Variants in SIPA1L2 observed in about 807,000 individuals in gnomAD.
SIPA1L2 encodes signal-induced proliferation-associated 1-like protein 2.
SIPA1L2 carries 56 observed loss-of-function variants against 163.9 expected under a neutral mutation model. The ratio of observed to expected loss-of-function variants is 0.34; its 90% CI spans 0.28 to 0.43. The LOEUF is 0.43. Among genes scored for constraint, SIPA1L2 ranks in the 20% least tolerant of loss-of-function variants. The pLI, the probability that SIPA1L2 is intolerant of heterozygous loss-of-function variation, is 1.00. For synonymous variants in SIPA1L2, 877 were observed against 865.7 expected (o/e 1.01, Z -0.23); for missense variants, 1,974 against 2,193.5 (o/e 0.90, Z 2.00).
At chr1:232,493,739 A>T in intron 3 of SIPA1L2, 79 bp from the exon 4 acceptor site, 2 of 1,540,912 alleles carry the variant, frequency 1.3e-6, no homozygotes, top group South Asian at 2.3e-5. Context: ...CAGTTTGTGT[A>T]TCAAATCTCT....
At chr1:232,405,339 C>T (rs535921166) in intron 19 of SIPA1L2, among the ~76,000 whole-genome samples, 1 of 152,364 alleles carries the variant, frequency 6.6e-6, no homozygotes, top group African/African-American at 2.4e-5. Context: ...CTCCACACAT[C>T]GAATCTTCCA....
At chr1:232,505,882 G>A (rs563889605) in intron 3 of SIPA1L2, among the ~76,000 whole-genome samples, 2 of 152,270 alleles carry the variant, frequency 1.3e-5, no homozygotes, top group Admixed American at 6.5e-5. Context: ...CTGTTCACCC[G>A]TATGAATTTA....
intron 15 of SIPA1L2, among the ~76,000 whole-genome samples, chr1:232,437,583 T>G (rs1253631860): frequency 1.3e-5 from 2 of 152,208 alleles, no homozygotes; most frequent in Non-Finnish European, 2.9e-5. Flanking sequence ...AATGTCCTGC[T>G]TCTCTTCTGG....
chr1:232,562,248 T>C (rs1222821300), intron 2 of SIPA1L2, among the ~76,000 whole-genome samples: 1 of 152,244 alleles, frequency 6.6e-6, no homozygotes, highest in East Asian at 1.9e-4. Context: ...CACATGCGTC[T>C]GTAACAGCAG....
intron 15 of SIPA1L2, among the ~76,000 whole-genome samples, chr1:232,435,811 T>C (rs1036427562): frequency 1.3e-5 from 2 of 152,228 alleles, no homozygotes; most frequent in African/African-American, 4.8e-5. Context: ...TTGTTCTGCT[T>C]AATAGATGAT....
chr1:232,619,906 G>T (rs1662708234), intron 1 of SIPA1L2, among the ~76,000 whole-genome samples: 1 of 151,114 alleles, frequency 6.6e-6, no homozygotes, highest in Non-Finnish European at 1.5e-5. Flanking sequence ...TTTTTTTTAA[G>T]ATGGAGTCTT....
At chr1:232,457,552 C>T (rs1663993588) in intron 10 of SIPA1L2, among the ~76,000 whole-genome samples, 1 of 152,058 alleles carries the variant, frequency 6.6e-6, no homozygotes, top group South Asian at 2.1e-4. Context: ...ACGAAGAGTC[C>T]ATCTGAGAAA....
intron 2 of SIPA1L2, among the ~76,000 whole-genome samples, chr1:232,548,683 G>A (rs544974466): frequency 1.0e-3 from 155 of 152,284 alleles, no homozygotes; most frequent in African/African-American, 3.2e-3. Context: ...AGAGGGACAC[G>A]GCAAGGCCTC....
intron 13 of SIPA1L2, 149 bp downstream of exon 13, chr1:232,441,619 C>T (rs1384923573): frequency 1.3e-6 from 1 of 755,958 alleles, no homozygotes. Context: ...ACCACACCCC[C>T]TCCTGCATCT....
chr1:232,549,499 T>C (rs1334349363), intron 2 of SIPA1L2, among the ~76,000 whole-genome samples: 4 of 152,200 alleles, frequency 2.6e-5, no homozygotes, highest in African/African-American at 9.7e-5. Context: ...CCAGGTAGTA[T>C]AAGAAAACTC....
At chr1:232,444,558 C>T (rs1233389170) in intron 11 of SIPA1L2, among the ~76,000 whole-genome samples, 3 of 152,142 alleles carry the variant, frequency 2.0e-5, no homozygotes, top group South Asian at 2.1e-4. Context: ...GAGAGGATGA[C>T]CACAGGTTTT....
intron 6 of SIPA1L2, among the ~76,000 whole-genome samples, chr1:232,480,070 A>G (rs1296984248): frequency 2.0e-5 from 3 of 152,108 alleles, no homozygotes; most frequent in Non-Finnish European, 4.4e-5. Context: ...AGTGGAGAAG[A>G]GAAGCTGGTC....
intron 1 of SIPA1L2, among the ~76,000 whole-genome samples, chr1:232,593,814 A>AAT (rs1380045322): frequency 1.3e-5 from 2 of 152,238 alleles, no homozygotes; most frequent in African/African-American, 4.8e-5. Flanking sequence ...AGGTCTTTAG[A>AAT]AAAGTCACCT....
At chr1:232,500,510 ACT>A (rs1298060746) in intron 3 of SIPA1L2, among the ~76,000 whole-genome samples, 1 of 152,192 alleles carries the variant, frequency 6.6e-6, no homozygotes, top group Non-Finnish European at 1.5e-5. Context: ...CTCGTGGATG[ACT>A]CTGAGGGATT....
intron 2 of SIPA1L2, among the ~76,000 whole-genome samples, chr1:232,570,769 A>G (rs1327925332): frequency 6.6e-6 from 1 of 152,170 alleles, no homozygotes; most frequent in Non-Finnish European, 1.5e-5. Flanking sequence ...TTTTAAAACA[A>G]GAGAGAATAC....
intron 1 of SIPA1L2, among the ~76,000 whole-genome samples, chr1:232,575,993 A>G (rs906665723): frequency 6.6e-6 from 1 of 152,226 alleles, no homozygotes; most frequent in Non-Finnish European, 1.5e-5. Flanking sequence ...AAAATCAGAA[A>G]GTACAACGGT....
At position 232,543,307 on chromosome 1, in the gene SIPA1L2, C is replaced by T. The variant is rs556794543; in HGVS notation, c.-269-27699G>A. Reference sequence around the variant, plus strand: ...TTGTCATGATTCAAATGAATCAATACAGCTGGCCCTTGAACACGGGTTTGC... The same window carrying T: ...TTGTCATGATTCAAATGAATCAATATAGCTGGCCCTTGAACACGGGTTTGC... On this transcript the variant is annotated intron_variant, in intron 2 of 22. Transcript: ENST00000674635. Among the ~76,000 whole-genome samples, 4 of 152,296 alleles carry T rather than the reference C, an allele frequency of 2.6e-5. No homozygotes were observed. The South Asian group carries it at 6.2e-4, about 24-fold the overall frequency.
At chr1:232,451,003 A>C (rs187937675) in intron 10 of SIPA1L2, among the ~76,000 whole-genome samples, 1 of 152,200 alleles carries the variant, frequency 6.6e-6, no homozygotes, top group African/African-American at 2.4e-5. Context: ...TGCCCTAATA[A>C]AAATTAGCTA....
At chr1:232,528,456 C>T (rs757453852) in intron 2 of SIPA1L2, among the ~76,000 whole-genome samples, 1 of 152,154 alleles carries the variant, frequency 6.6e-6, no homozygotes, top group Non-Finnish European at 1.5e-5. Context: ...AAAACACAAA[C>T]ATTACTGGCT....
Sources: allele counts gnomAD v4.1 joint callset (sites outside exome capture counted in the v4.1 genomes callset), GRCh38; gene constraint gnomAD v4.1.1; transcripts MANE v1.5; gene names NCBI Gene and HGNC (gene_info 2026-07-23, HGNC 2026-07-21).